Variants in TMIGD3 observed in about 807,000 individuals in gnomAD.
TMIGD3 encodes the protein transmembrane and immunoglobulin domain containing 3, also known as AD026 protein (AD026).
In TMIGD3, 21 loss-of-function variants were observed where a neutral mutation model predicts 28.1. That is an observed-to-expected ratio of 0.75 (90% CI 0.53 to 1.08). TMIGD3 has a LOEUF of 1.08. Ranked by LOEUF, TMIGD3 falls within the 50% of genes least tolerant of loss-of-function variation. The pLI, the probability that TMIGD3 is intolerant of heterozygous loss-of-function variation, is 0.00. For synonymous variants in TMIGD3, 151 were observed against 162.1 expected (o/e 0.93, Z 0.52); for missense variants, 416 against 435.6 (o/e 0.96, Z 0.40).
intron 1 of TMIGD3, among the ~76,000 whole-genome samples, chr1:111,562,339 A>G (rs1657774181): frequency 6.6e-6 from 1 of 152,184 alleles, no homozygotes; most frequent in South Asian, 2.1e-4. Context: ...CAAGAATTAT[A>G]CCTTATCTTT....
At chr1:111,530,779 A>G (rs1017988529) in intron 1 of TMIGD3, among the ~76,000 whole-genome samples, 7 of 152,304 alleles carry the variant, frequency 4.6e-5, no homozygotes, top group Non-Finnish European at 8.8e-5. Context: ...CAATTTGATA[A>G]TGATGTTTCT....
intron 5 of TMIGD3, 152 bp from the exon 6 acceptor site, chr1:111,483,909 C>G (rs1168065806): frequency 1.5e-6 from 1 of 646,208 alleles, no homozygotes; most frequent in Non-Finnish European, 2.8e-6. Flanking sequence ...GATATCATTA[C>G]TGCAAAGCCC....
chr1:111,542,429 G>C (rs933211423), intron 1 of TMIGD3: 1 of 231,888 alleles, frequency 4.3e-6, no homozygotes, highest in African/African-American at 2.3e-5. Flanking sequence ...TGAAAAACTG[G>C]GCTCCGCCCT....
chr1:111,528,347 C>G (rs975208077), intron 1 of TMIGD3, among the ~76,000 whole-genome samples: 2 of 152,152 alleles, frequency 1.3e-5, no homozygotes, highest in African/African-American at 4.8e-5. Context: ...CTACTTCTGG[C>G]CTTTCTATTC....
At chr1:111,525,754 C>T (rs1656242182) in intron 1 of TMIGD3, among the ~76,000 whole-genome samples, 1 of 152,106 alleles carries the variant, frequency 6.6e-6, no homozygotes, top group Non-Finnish European at 1.5e-5. Flanking sequence ...GTCCCAGCTA[C>T]CCAGGAGGCA....
chr1:111,531,504 A>G (rs1656458191), intron 1 of TMIGD3, among the ~76,000 whole-genome samples: 1 of 152,134 alleles, frequency 6.6e-6, no homozygotes, highest in Non-Finnish European at 1.5e-5. Context: ...GCCTTCTTGA[A>G]CACATAAAAT....
intron 1 of TMIGD3, among the ~76,000 whole-genome samples, chr1:111,520,179 T>C (rs973544962): frequency 1.3e-5 from 2 of 152,192 alleles, no homozygotes; most frequent in African/African-American, 4.8e-5. Context: ...AAAGAGTGGG[T>C]TCACTGCCAG....
chr1:111,483,730 C>T lies in TMIGD3; in HGVS notation c.1001G>A (p.Arg334His), dbSNP rs748914059. The change falls in exon 6 of 6, where the codon CGT becomes CAT. Residue 334 changes from arginine to histidine, a missense_variant. Arg to His is a conservative substitution (Grantham distance 29). Transcript: ENST00000369716. ...AGCCATTTCCTTTGGAGTCAGGACA[C>T]GCGAGAAGGGCTTCAAAGTGTTGCC... ...RVGNTLKPFS[R>H]VLTPKEMAPT... 49 of 1,613,860 alleles carry T rather than the reference C, an allele frequency of 3.0e-5. No individual in the cohort carries two copies. The highest frequency in any genetic ancestry group is 1.6e-4 in the Middle Eastern group (1 of 6,082).
intron 1 of TMIGD3, among the ~76,000 whole-genome samples, chr1:111,553,418 T>C (rs1657351997): frequency 6.6e-6 from 1 of 152,230 alleles, no homozygotes; most frequent in Non-Finnish European, 1.5e-5. Flanking sequence ...CTATGATTAA[T>C]AGAGTCGTTT....
chr1:111,538,788 C>T (rs181021589), intron 1 of TMIGD3, among the ~76,000 whole-genome samples: 32 of 152,294 alleles, frequency 2.1e-4, no homozygotes, highest in African/African-American at 6.7e-4. Context: ...AGGACTATTA[C>T]ACCACAGAGG....
chr1:111,531,146 C>T (rs1656444935), intron 1 of TMIGD3, among the ~76,000 whole-genome samples: 1 of 152,134 alleles, frequency 6.6e-6, no homozygotes, highest in Non-Finnish European at 1.5e-5. Context: ...GGTGTGGTGG[C>T]ATGCACCTGT....
At chr1:111,491,319 T>C (rs1299827857) in intron 1 of TMIGD3, among the ~76,000 whole-genome samples, 7 of 152,266 alleles carry the variant, frequency 4.6e-5, no homozygotes, top group Admixed American at 4.6e-4. Context: ...GCTGCGGTCT[T>C]CAGACTTCCT....
At chr1:111,542,325 A>T (rs1241338952) in intron 1 of TMIGD3, 1 of 478,288 alleles carries the variant, frequency 2.1e-6, no homozygotes, top group Non-Finnish European at 4.2e-6. Context: ...GTTAAAAGAG[A>T]AGTGTCTGTG....
intron 1 of TMIGD3, among the ~76,000 whole-genome samples, chr1:111,527,769 C>T (rs1295798740): frequency 6.6e-6 from 1 of 152,194 alleles, no homozygotes; most frequent in East Asian, 1.9e-4. Flanking sequence ...ATCATCTTTT[C>T]ATATGCTTAT....
upstream of TMIGD3, chr1:111,504,103 C>A (rs866148072): frequency 5.1e-6 from 5 of 985,426 alleles, no homozygotes; most frequent in African/African-American, 5.2e-5. Flanking sequence ...AGCCGATACC[C>A]AGCCTTTGCA....
intron 1 of TMIGD3, among the ~76,000 whole-genome samples, chr1:111,543,955 A>G (rs1307666056): frequency 6.6e-6 from 1 of 152,176 alleles, no homozygotes; most frequent in African/African-American, 2.4e-5. Context: ...AGTCCCTACT[A>G]GAGTCTGTGT....
chr1:111,500,184 C>G (rs956571535), intron 1 of TMIGD3: 1 of 1,614,134 alleles, frequency 6.2e-7, no homozygotes, highest in Non-Finnish European at 8.5e-7. Context: ...GCAGCCATGA[C>G]AGAGCAAACA....
intron 1 of TMIGD3, among the ~76,000 whole-genome samples, chr1:111,498,362 A>C (rs1458965639): frequency 6.6e-6 from 1 of 152,218 alleles, no homozygotes; most frequent in Non-Finnish European, 1.5e-5. Flanking sequence ...GACACCTTGA[A>C]TCTCTAGAGC....
intron 1 of TMIGD3, among the ~76,000 whole-genome samples, chr1:111,501,858 A>T (rs968787990): frequency 1.3e-5 from 2 of 151,852 alleles, no homozygotes; most frequent in Admixed American, 1.3e-4. Flanking sequence ...GACGAGAAAC[A>T]CGAGACCAAT....
Sources: gnomAD v4.1 joint callset for allele counts (sites outside exome capture counted in the v4.1 genomes callset) on GRCh38, gnomAD v4.1.1 for gene constraint, MANE v1.5 for transcripts, NCBI Gene and HGNC (gene_info 2026-07-23, HGNC 2026-07-21) for gene names.